Variants in LAPTM4B observed in about 807,000 individuals in gnomAD.
LAPTM4B encodes the protein lysosomal protein transmembrane 4 beta, also known as lysosomal-associated transmembrane protein 4B.
In LAPTM4B, 26 loss-of-function variants were observed where a neutral mutation model predicts 28.5. The observed-to-expected ratio is 0.91, with a 90% CI of 0.67 to 1.27. LAPTM4B has a LOEUF of 1.27. Among genes scored for constraint, LAPTM4B ranks in the 50% most tolerant of loss-of-function variants. The probability of loss-of-function intolerance (pLI) is 0.00; values close to 1 mark genes in which losing one functional copy is unlikely to be tolerated. For synonymous variants in LAPTM4B, 109 were observed against 106.4 expected, an observed-to-expected ratio of 1.02 and a Z score of -0.15; for missense variants, 288 against 285.8, an observed-to-expected ratio of 1.01 and a Z score of -0.06.
intron 6 of LAPTM4B, 88 bp from the exon 7 acceptor site, chr8:97,851,309 A>T: frequency 3.0e-6 from 3 of 990,660 alleles, no homozygotes; most frequent in Non-Finnish European, 3.2e-6. Context: ...GAACATGTTT[A>T]GTTGCATAAA....
At chr8:97,781,708 C>G (rs1014725305) in intron 1 of LAPTM4B, among the ~76,000 whole-genome samples, 4 of 152,180 alleles carry the variant, frequency 2.6e-5, no homozygotes, top group Non-Finnish European at 4.4e-5. Flanking sequence ...TGCCATATCC[C>G]CAATCACTGT....
Position 97,775,853 on chromosome 8 carries a change from T to C in LAPTM4B, c.-157T>C, listed in dbSNP as rs944655790. ...CCGACCCGGCAGAAGCTCGGAGCTC[T>C]CGGGGTATCGAGGAGGCAGGCCCGC... On this transcript the variant is annotated 5_prime_UTR_variant, in exon 1 of 7. Coordinates refer to ENST00000521545, the MANE Select transcript of LAPTM4B (RefSeq NM_018407.6). 8.5e-6 allele frequency: 13 copies of C among 1,526,816 alleles called. No individual in the cohort carries two copies. In the African/African-American group the frequency reaches 1.7e-4, roughly 20 times the overall value. 94.6% of individuals were successfully genotyped at this position (1,526,816 alleles called of 1,614,324 possible). A position where few individuals can be genotyped will look rare whatever the true frequency, so the allele number is the denominator to read the frequency against.
chr8:97,827,615 T>C (rs1416045733), intron 6 of LAPTM4B, among the ~76,000 whole-genome samples: 1 of 152,132 alleles, frequency 6.6e-6, no homozygotes, highest in African/African-American at 2.4e-5. Context: ...GGGACACTTT[T>C]GGGGATTGAG....
At chr8:97,794,965 G>T (rs113422588) in intron 1 of LAPTM4B, among the ~76,000 whole-genome samples, 5,707 of 152,308 alleles carry the variant, frequency 0.037, 358 homozygotes, top group African/African-American at 0.13. Flanking sequence ...ACCTGCCTCA[G>T]CCTCCCAAAG....
intron 5 of LAPTM4B, among the ~76,000 whole-genome samples, chr8:97,821,568 A>T (rs28475321): frequency 7.8e-6 from 1 of 127,540 alleles, no homozygotes; most frequent in African/African-American, 5.4e-5. Flanking sequence ...TGAGGACGTG[A>T]GGATAGAAAG....
At chr8:97,818,346 T>C (rs1351914324) in intron 4 of LAPTM4B, among the ~76,000 whole-genome samples, 5 of 120,594 alleles carry the variant, frequency 4.1e-5, no homozygotes. Context: ...ACACATAGTG[T>C]TGAATGGTGA....
intron 6 of LAPTM4B, among the ~76,000 whole-genome samples, chr8:97,843,531 G>A (rs373170570): frequency 1.3e-5 from 2 of 152,104 alleles, no homozygotes; most frequent in Non-Finnish European, 1.5e-5. Context: ...TAATCCCAGC[G>A]TTTGGGGAGG....
chr8:97,789,632 A>T (rs114637348), intron 1 of LAPTM4B, among the ~76,000 whole-genome samples: 1 of 150,676 alleles, frequency 6.6e-6, no homozygotes, highest in African/African-American at 2.4e-5. Context: ...GGTTCAAGCA[A>T]TTCTTCTCCC....
At chr8:97,777,608 G>A (rs143459638) in intron 1 of LAPTM4B, among the ~76,000 whole-genome samples, 59 of 152,276 alleles carry the variant, frequency 3.9e-4, no homozygotes, top group African/African-American at 1.4e-3. Flanking sequence ...GGTATTCACT[G>A]TGCTATTTAT....
At position 97,845,346 on chromosome 8, in the gene LAPTM4B, GT is replaced by G. The variant is rs376790573; in HGVS notation, c.604-6040del. ...CTTTGTTTTTTTTTGATCCTAAGTTGTTTTTTTTTTTAAACTTTTACCTAGT... is the reference window on the plus strand; with the variant it reads ...CTTTGTTTTTTTTTGATCCTAAGTTGTTTTTTTTTTAAACTTTTACCTAGT... On this transcript the variant is annotated intron_variant, in intron 6 of 6. Coordinates refer to ENST00000521545, the MANE Select transcript of LAPTM4B (RefSeq NM_018407.6). Among the ~76,000 whole-genome samples the G allele has an allele frequency of 1.2e-3, 177 of 144,726 alleles. No homozygotes were observed. In the East Asian group the frequency reaches 0.024, roughly 20 times the overall value. The allele number at this position is 144,726 out of a possible 152,430, so 94.9% of individuals were successfully genotyped here. A position where few individuals can be genotyped will look rare whatever the true frequency, so the allele number is the denominator to read the frequency against.
At chr8:97,799,856 C>G (rs761555087) in intron 1 of LAPTM4B, among the ~76,000 whole-genome samples, 1 of 152,164 alleles carries the variant, frequency 6.6e-6, no homozygotes, top group African/African-American at 2.4e-5. Context: ...GGCGTTCCAG[C>G]CACATTGAAC....
intron 1 of LAPTM4B, among the ~76,000 whole-genome samples, chr8:97,799,387 C>T (rs1386469156): frequency 6.6e-6 from 1 of 152,170 alleles, no homozygotes; most frequent in African/African-American, 2.4e-5. Flanking sequence ...GAGAAATGGG[C>T]TGAAGAAACC....
chr8:97,790,798 G>A (rs547963120), intron 1 of LAPTM4B, among the ~76,000 whole-genome samples: 2 of 152,248 alleles, frequency 1.3e-5, no homozygotes, highest in Admixed American at 6.5e-5. Context: ...GGAGTGCAGT[G>A]GCACAGTCTT....
intron 2 of LAPTM4B, among the ~76,000 whole-genome samples, chr8:97,810,280 A>C (rs1439509477): frequency 1.3e-5 from 2 of 152,210 alleles, no homozygotes; most frequent in Non-Finnish European, 2.9e-5. Flanking sequence ...GAACTGGCAT[A>C]GATTGGAGGA....
In LAPTM4B at chr8:97,775,814, C is replaced by A; in HGVS notation, c.-196C>A. On this transcript the variant is annotated 5_prime_UTR_variant, in exon 1 of 7. Transcript: ENST00000521545. ...TCCCCGCCGCTGCAGCGGTCGCCTT[C>A]GGAGCGAAGGGTACCGACCCGGCAG... The A allele has an allele frequency of 1.3e-6, 2 of 1,566,468 alleles. No homozygotes were observed. The highest frequency in any genetic ancestry group is 1.8e-5 in the Admixed American group (1 of 55,118).
intron 2 of LAPTM4B, among the ~76,000 whole-genome samples, chr8:97,809,696 T>C (rs745453309): frequency 1.3e-5 from 2 of 152,152 alleles, no homozygotes; most frequent in Non-Finnish European, 2.9e-5. Flanking sequence ...CCAGACCCTG[T>C]CTCAAATTAA....
rs1190473113 is a variant in LAPTM4B, at chr8:97,795,837, TAAAAAAAAAAAAA to T, written c.100-9506_100-9494del. Reference sequence around the variant, plus strand: ...CAGCGACAAAGTGAGACTCTGTCTTTAAAAAAAAAAAAAAAAAAAAAAGATCTAACACTAATTG... The same window carrying T: ...CAGCGACAAAGTGAGACTCTGTCTTTAAAAAAAAAGATCTAACACTAATTG... On this transcript the variant is annotated intron_variant, in intron 1 of 6. Coordinates refer to ENST00000521545, the MANE Select transcript of LAPTM4B (RefSeq NM_018407.6). Among the ~76,000 whole-genome samples, 13 of 114,132 alleles carry T rather than the reference TAAAAAAAAAAAAA, an allele frequency of 1.1e-4. No homozygotes were observed. The East Asian group carries it at 3.2e-3, about 28-fold the overall frequency. The allele number at this position is 114,132 out of a possible 152,430, so 74.9% of individuals were successfully genotyped here. A position where few individuals can be genotyped will look rare whatever the true frequency, so the allele number is the denominator to read the frequency against.
chr8:97,849,227 A>G (rs1285863929), intron 6 of LAPTM4B, among the ~76,000 whole-genome samples: 1 of 152,128 alleles, frequency 6.6e-6, no homozygotes, highest in East Asian at 1.9e-4. Context: ...TCCCTAGCCT[A>G]AATTGGTTGT....
intron 1 of LAPTM4B, among the ~76,000 whole-genome samples, chr8:97,796,612 A>G (rs747955394): frequency 3.9e-5 from 6 of 152,174 alleles, no homozygotes; most frequent in South Asian, 2.1e-4. Context: ...CTTTTTACCT[A>G]TGATTTATAC....
Sources: gnomAD v4.1 joint callset for allele counts (sites outside exome capture counted in the v4.1 genomes callset) on GRCh38, gnomAD v4.1.1 for gene constraint, MANE v1.5 for transcripts, NCBI Gene and HGNC (gene_info 2026-07-23, HGNC 2026-07-21) for gene names.